The following UVRAG variants were observed in gnomAD, a reference collection of about 807,000 sequenced individuals.
UVRAG encodes the protein UV radiation resistance-associated gene protein.
Under a neutral mutation model 78.0 loss-of-function variants are expected in UVRAG, and 19 were observed. The ratio of observed to expected loss-of-function variants is 0.24; its 90% confidence interval spans 0.17 to 0.36. UVRAG has a LOEUF of 0.36. UVRAG is among the 10% of genes least tolerant of loss of function. UVRAG has a pLI of 1.00. For synonymous variants in UVRAG, 323 were observed against 324.6 expected, an observed-to-expected ratio of 1.00 and a Z score of 0.05; for missense variants, 740 against 853.8, an observed-to-expected ratio of 0.87 and a Z score of 1.66.
chr11:75,877,118 A>C (rs1016814938), intron 3 of UVRAG, among the ~76,000 whole-genome samples: 3 of 151,722 alleles, frequency 2.0e-5, no homozygotes, highest in African/African-American at 7.3e-5. Flanking sequence ...TAATCCATTT[A>C]ACCCTGAGTG....
intron 12 of UVRAG, among the ~76,000 whole-genome samples, chr11:76,049,249 T>C (rs1028464323): frequency 3.3e-5 from 5 of 152,192 alleles, no homozygotes; most frequent in Non-Finnish European, 7.4e-5. Flanking sequence ...TGACAGTGGA[T>C]TTTTCAAAAA....
chr11:75,823,829 A>G (rs1409924068), intron 1 of UVRAG, among the ~76,000 whole-genome samples: 1 of 152,204 alleles, frequency 6.6e-6, no homozygotes, highest in African/African-American at 2.4e-5. Context: ...GTAGGAACTC[A>G]TGTACAGTTT....
intron 1 of UVRAG, among the ~76,000 whole-genome samples, chr11:75,842,984 A>G (rs181753692): frequency 3.0e-4 from 45 of 152,300 alleles, no homozygotes; most frequent in Non-Finnish European, 5.1e-4. Context: ...TTTTTAAGCA[A>G]GTGATCCAGC....
At position 75,888,957 on chromosome 11, in the gene UVRAG, A is replaced by T. The variant is rs929524044; in HGVS notation, c.507+54A>T. 9 of 1,448,968 alleles carry T rather than the reference A, an allele frequency of 6.2e-6. No homozygotes were observed. In the African/African-American group the frequency reaches 1.3e-4, roughly 20 times the overall value. The allele number at this position is 1,448,968 out of a possible 1,614,324, so 89.8% of individuals were successfully genotyped here. On this transcript the variant is annotated intron_variant, in intron 5 of 14. Transcript: ENST00000356136. ...TTTGTTTAGTGCAGGTGTGCCTTGC[A>T]GGTGTACAGGGTAGATATAATCCTG...
chr11:75,938,077 A>G (rs555303955), intron 6 of UVRAG, among the ~76,000 whole-genome samples: 2 of 149,876 alleles, frequency 1.3e-5, no homozygotes, highest in South Asian at 4.2e-4. Context: ...ATATATGTAT[A>G]TGTATATACA....
intron 8 of UVRAG, among the ~76,000 whole-genome samples, chr11:75,987,912 AATTTTAGTGGAG>A (rs1195568069): frequency 6.6e-6 from 1 of 151,744 alleles, no homozygotes; most frequent in Non-Finnish European, 1.5e-5. Context: ...TAATTTTTGT[AATTTTAGTGGAG>A]ATGGGGTTTT....
rs535573886 is a variant in UVRAG, at chr11:76,140,893, T to C, written c.1580T>C (p.Leu527Ser). The change falls in exon 15 of 15, where the codon TTA becomes TCA. Residue 527 changes from leucine to serine, a missense_variant. By Grantham distance (145) the Leu-to-Ser change is moderately radical. Transcript: ENST00000356136. ...CCTCCTCCCAGTTACAACTCAGCATTAGCCCAGCCTGTGACCACCGTCCCC... is the reference window on the plus strand; with the variant it reads ...CCTCCTCCCAGTTACAACTCAGCATCAGCCCAGCCTGTGACCACCGTCCCC... Reference protein sequence around the residue: ...KTPPPSYNSALAQPVTTVPSM... With the variant: ...KTPPPSYNSASAQPVTTVPSM... The C allele has an allele frequency of 2.1e-5, 34 of 1,614,114 alleles. No homozygotes were observed. Among genetic ancestry groups the C allele is most frequent in the South Asian group, 3.3e-5 (3 of 91,076 alleles).
At chr11:75,878,226 C>T (rs1391106661) in intron 3 of UVRAG, among the ~76,000 whole-genome samples, 4 of 147,564 alleles carry the variant, frequency 2.7e-5, no homozygotes, top group African/African-American at 1.0e-4. Flanking sequence ...CCAGACGGGG[C>T]GGCGGGGCAA....
At chr11:76,033,742 TACTC>T (rs1043579645) in intron 12 of UVRAG, among the ~76,000 whole-genome samples, 1 of 151,972 alleles carries the variant, frequency 6.6e-6, no homozygotes, top group Admixed American at 6.6e-5. Context: ...ATAAGAAAAA[TACTC>T]AGCCTCACTA....
intron 12 of UVRAG, among the ~76,000 whole-genome samples, chr11:76,030,986 A>T (rs925724982): frequency 4.6e-5 from 7 of 152,210 alleles, no homozygotes; most frequent in African/African-American, 1.7e-4. Flanking sequence ...TTGGTGTCAG[A>T]CTTCCCTGAC....
intron 5 of UVRAG, among the ~76,000 whole-genome samples, chr11:75,898,524 T>TA (rs1947405024): frequency 6.6e-6 from 1 of 152,170 alleles, no homozygotes; most frequent in African/African-American, 2.4e-5. Flanking sequence ...ACTTATGGAA[T>TA]AAAAATGAAT....
At chr11:76,050,431 C>T (rs1297037867) in intron 12 of UVRAG, among the ~76,000 whole-genome samples, 1 of 152,078 alleles carries the variant, frequency 6.6e-6, no homozygotes, top group Admixed American at 6.5e-5. Flanking sequence ...TTGTTGAATA[C>T]CCACTTTCAA....
At chr11:75,945,484 A>AT (rs1948570588) in intron 6 of UVRAG, among the ~76,000 whole-genome samples, 1 of 152,110 alleles carries the variant, frequency 6.6e-6, no homozygotes, top group African/African-American at 2.4e-5. Context: ...CCCTTACCAA[A>AT]TATTGACTAT....
At chr11:75,989,003 T>C (rs1294352217) in intron 8 of UVRAG, among the ~76,000 whole-genome samples, 2 of 152,184 alleles carry the variant, frequency 1.3e-5, no homozygotes, top group Non-Finnish European at 1.5e-5. Context: ...TTTATATGTT[T>C]TTTCTTCCCT....
At chr11:75,895,517 C>T (rs1257853617) in intron 5 of UVRAG, among the ~76,000 whole-genome samples, 2 of 152,042 alleles carry the variant, frequency 1.3e-5, no homozygotes, top group East Asian at 3.9e-4. Context: ...AAAATAAATA[C>T]TGGATTTTAA....
intron 5 of UVRAG, among the ~76,000 whole-genome samples, chr11:75,890,155 T>C (rs1201241595): frequency 1.3e-5 from 2 of 152,170 alleles, no homozygotes; most frequent in African/African-American, 4.8e-5. Context: ...CGCAGAACTT[T>C]TAAAGGATTT....
chr11:75,936,809 G>A (rs1234647587), intron 6 of UVRAG, among the ~76,000 whole-genome samples: 1 of 152,158 alleles, frequency 6.6e-6, no homozygotes, highest in South Asian at 2.1e-4. Flanking sequence ...AGGTCTTGCT[G>A]TGTCTCCCAG....
intron 13 of UVRAG, among the ~76,000 whole-genome samples, chr11:76,098,380 C>T (rs1053171087): frequency 1.3e-5 from 2 of 152,090 alleles, no homozygotes; most frequent in South Asian, 4.1e-4. Context: ...GAGCCAGAGG[C>T]TCAGGCGGGG....
At chr11:75,919,880 A>G (rs559293282) in intron 6 of UVRAG, among the ~76,000 whole-genome samples, 5 of 152,162 alleles carry the variant, frequency 3.3e-5, no homozygotes, top group South Asian at 2.1e-4. Context: ...GCTGTTTTCT[A>G]TTATGCCATG....
Sources: allele counts gnomAD v4.1 joint callset (sites outside exome capture counted in the v4.1 genomes callset), GRCh38; gene constraint gnomAD v4.1.1; transcripts MANE v1.5; gene names NCBI Gene and HGNC (gene_info 2026-07-23, HGNC 2026-07-21).